The following RTL4 variants were observed in gnomAD, a reference collection of about 807,000 sequenced individuals.
RTL4 encodes the protein retrotransposon Gag like 4.
RTL4 carries 4 observed loss-of-function variants against 5.3 expected under a neutral mutation model. That is an observed-to-expected ratio of 0.75 (90% CI 0.37 to 1.72). RTL4 has a LOEUF of 1.72. RTL4 is among the 40% of genes most tolerant of loss of function. The pLI is 0.04. For synonymous variants in RTL4, 98 were observed against 87.3 expected (o/e 1.12, Z -0.68); for missense variants, 260 against 227.1 (o/e 1.14, Z -0.93).
chrX:112,328,451 G>A, the RTL4 span, among the ~76,000 whole-genome samples: 2 of 111,681 alleles, frequency 1.8e-5, no homozygotes. Flanking sequence ...TCAACAAGAA[G>A]AGCTAACTAT....
chrX:112,387,128 A>T, the RTL4 span, among the ~76,000 whole-genome samples: 1 of 110,295 alleles, frequency 9.1e-6, no homozygotes. Context: ...CATTTTTTTC[A>T]TACATTTGTC....
the RTL4 span, among the ~76,000 whole-genome samples, chrX:112,236,318 CA>C: frequency 4.8e-5 from 5 of 103,671 alleles, no homozygotes; most frequent in East Asian, 1.5e-3. Flanking sequence ...ATCTAGCTCA[CA>C]AGATTATTAT....
chrX:112,374,954 G>C, the RTL4 span, among the ~76,000 whole-genome samples: 1 of 111,917 alleles, frequency 8.9e-6, no homozygotes, highest in African/African-American at 3.2e-5. Context: ...GGATAGTGTT[G>C]TCAGATAAAA....
At chrX:112,148,184 C>T in the RTL4 span, among the ~76,000 whole-genome samples, 1 of 109,817 alleles carries the variant, frequency 9.1e-6, no homozygotes, top group Non-Finnish European at 1.9e-5. Flanking sequence ...ATTTGCTGTT[C>T]AGTGGAATAT....
At chrX:112,357,093 C>T in the RTL4 span, among the ~76,000 whole-genome samples, 6 of 111,398 alleles carry the variant, frequency 5.4e-5, no homozygotes, top group Non-Finnish European at 9.4e-5. Flanking sequence ...TTCAGGAGTA[C>T]GGCTCACTGG....
chrX:112,233,577 AC>A, the RTL4 span, among the ~76,000 whole-genome samples: 3 of 111,512 alleles, frequency 2.7e-5, no homozygotes, highest in African/African-American at 9.8e-5. Flanking sequence ...TTCTATTTTA[AC>A]TCTAAAACTT....
At chrX:112,175,549 A>T in the RTL4 span, among the ~76,000 whole-genome samples, 3 of 108,760 alleles carry the variant, frequency 2.8e-5, no homozygotes, top group Non-Finnish European at 5.7e-5. Flanking sequence ...CTTAGGATTG[A>T]CTTGGCAATG....
the RTL4 span, among the ~76,000 whole-genome samples, chrX:112,392,627 C>T: frequency 3.6e-5 from 4 of 110,999 alleles, no homozygotes; most frequent in Non-Finnish European, 7.5e-5. Flanking sequence ...GCTCCTTTAG[C>T]CCCTGGTCAC....
At chrX:112,322,853 C>T in the RTL4 span, among the ~76,000 whole-genome samples, 1 of 111,646 alleles carries the variant, frequency 9.0e-6, no homozygotes, top group Non-Finnish European at 1.9e-5. Context: ...TATCTTCGGC[C>T]ATCTAGGATA....
At chrX:112,432,465 A>T in the RTL4 span, among the ~76,000 whole-genome samples, 1 of 100,304 alleles carries the variant, frequency 1.0e-5, no homozygotes, top group Non-Finnish European at 2.0e-5. Flanking sequence ...TTTGATTTGC[A>T]TTTCTCTGAT....
the RTL4 span, among the ~76,000 whole-genome samples, chrX:112,447,329 A>C: frequency 0.51 from 56,653 of 110,679 alleles, 11,363 homozygotes; most frequent in African/African-American, 0.74. Context: ...ATGCCAGGAA[A>C]TTTACATATA....
chrX:112,196,305 G>A, the RTL4 span, among the ~76,000 whole-genome samples: 1 of 111,453 alleles, frequency 9.0e-6, no homozygotes, highest in Non-Finnish European at 1.9e-5. Flanking sequence ...GTTGTTGCAT[G>A]CATTAATAGT....
chrX:112,172,650 T>C, the RTL4 span, among the ~76,000 whole-genome samples: 2 of 111,222 alleles, frequency 1.8e-5, no homozygotes, highest in Non-Finnish European at 3.8e-5. Context: ...AGCAATTCCA[T>C]TCCTGGGTAT....
the RTL4 span, among the ~76,000 whole-genome samples, chrX:112,152,056 G>A: frequency 2.1e-3 from 236 of 111,755 alleles, 2 homozygotes; most frequent in African/African-American, 6.8e-3. Flanking sequence ...ACAGGATAAC[G>A]TTATGATAAC....
At chrX:112,418,371 G>A in the RTL4 span, among the ~76,000 whole-genome samples, 1 of 111,327 alleles carries the variant, frequency 9.0e-6, no homozygotes, top group East Asian at 2.8e-4. Flanking sequence ...AAACTCTTTA[G>A]AAGGTCTCTA....
chrX:112,298,947 GATA>G, the RTL4 span, among the ~76,000 whole-genome samples: 1 of 112,906 alleles, frequency 8.9e-6, no homozygotes, highest in Non-Finnish European at 1.9e-5. Flanking sequence ...AGTTGTGTAA[GATA>G]ACTTCAACTG....
the RTL4 span, among the ~76,000 whole-genome samples, chrX:112,267,255 A>G: frequency 2.7e-5 from 3 of 112,216 alleles, no homozygotes; most frequent in South Asian, 1.1e-3. Context: ...CGATCACTCC[A>G]TCAAAACTGT....
At chrX:112,404,860 C>T in the RTL4 span, among the ~76,000 whole-genome samples, 1 of 112,172 alleles carries the variant, frequency 8.9e-6, no homozygotes, top group African/African-American at 3.2e-5. Context: ...AAGTATAATA[C>T]CTGGACAGAT....
At chrX:112,456,046 C>T in exon 1 of RTL4, 1 of 283,415 alleles carries the variant, frequency 3.5e-6, no homozygotes, top group Middle Eastern at 1.0e-3. Context: ...ATCTTGTGTG[C>T]CTAGAAATGA....
Sources: gnomAD v4.1 joint callset for allele counts (sites outside exome capture counted in the v4.1 genomes callset) on GRCh38, gnomAD v4.1.1 for gene constraint, MANE v1.5 for transcripts, NCBI Gene and HGNC (gene_info 2026-07-23, HGNC 2026-07-21) for gene names.